The following FCHO2 variants were observed in gnomAD, a reference collection of about 807,000 sequenced individuals.
FCHO2 encodes FCH and mu domain containing endocytic adaptor 2, also known as F-BAR domain only protein 2.
A neutral mutation model predicts 114.1 loss-of-function variants in FCHO2; 43 were observed. The ratio of observed to expected loss-of-function variants is 0.38; its 90% CI spans 0.30 to 0.49. The LOEUF (loss-of-function observed/expected upper bound fraction) is 0.49, where lower values mean the gene tolerates loss of function less well. FCHO2 is among the 20% of genes least tolerant of loss of function. FCHO2 has a pLI of 0.97. For missense variants in FCHO2, 807 were observed against 950.4 expected (o/e 0.85, Z 1.98); for synonymous variants, 293 against 315.2 (o/e 0.93, Z 0.75).
At chr5:72,972,419 C>A (rs1405691034) in intron 2 of FCHO2, among the ~76,000 whole-genome samples, 1 of 152,116 alleles carries the variant, frequency 6.6e-6, no homozygotes, top group Non-Finnish European at 1.5e-5. Context: ...TCCTTCCCAT[C>A]CCTTGTAAGT....
chr5:73,022,897 A>G (rs895506417), intron 8 of FCHO2, among the ~76,000 whole-genome samples: 1 of 152,166 alleles, frequency 6.6e-6, no homozygotes, highest in African/African-American at 2.4e-5. Context: ...ATAGCTGGCA[A>G]GGAAGACATC....
At chr5:72,999,925 A>G (rs1580076734) in intron 5 of FCHO2, among the ~76,000 whole-genome samples, 1 of 152,356 alleles carries the variant, frequency 6.6e-6, no homozygotes, top group East Asian at 1.9e-4. Flanking sequence ...AAATGTAGCT[A>G]TTACTTGTAA....
chr5:73,073,027 G>A (rs180752801), intron 19 of FCHO2, among the ~76,000 whole-genome samples: 1 of 152,124 alleles, frequency 6.6e-6, no homozygotes, highest in Non-Finnish European at 1.5e-5. Flanking sequence ...AAAGTGGATT[G>A]AACTAAGTTA....
intron 2 of FCHO2, among the ~76,000 whole-genome samples, chr5:72,978,120 A>G (rs920722089): frequency 3.9e-5 from 6 of 152,172 alleles, no homozygotes; most frequent in Admixed American, 1.3e-4. Flanking sequence ...ATGAAATTCA[A>G]AGTAGTTTTT....
At chr5:72,997,001 C>A (rs567603665) in intron 5 of FCHO2, 9 of 1,582,602 alleles carry the variant, frequency 5.7e-6, no homozygotes, top group Admixed American at 1.7e-5. Context: ...CGCCCTTTTG[C>A]GGTGGCAGAT....
intron 1 of FCHO2, among the ~76,000 whole-genome samples, chr5:72,967,064 T>C (rs1752241823): frequency 6.6e-6 from 1 of 152,208 alleles, no homozygotes; most frequent in South Asian, 2.1e-4. Context: ...GGCAGGTGTA[T>C]CGTTTGAGGC....
intron 1 of FCHO2, among the ~76,000 whole-genome samples, chr5:72,962,223 TGTTCA>T (rs1253189854): frequency 5.3e-5 from 8 of 152,184 alleles, no homozygotes; most frequent in African/African-American, 1.9e-4. Flanking sequence ...TGTGTATATA[TGTTCA>T]GTTCAGGGGG....
intron 11 of FCHO2, among the ~76,000 whole-genome samples, chr5:73,047,855 G>A (rs1036436986): frequency 3.3e-5 from 5 of 151,192 alleles, no homozygotes; most frequent in Non-Finnish European, 5.9e-5. Flanking sequence ...TATTTATTTC[G>A]AGACAGAGTC....
intron 9 of FCHO2, 41 bp from the exon 10 acceptor site, chr5:73,037,102 G>T (rs1338487351): frequency 1.5e-6 from 2 of 1,341,038 alleles, no homozygotes; most frequent in South Asian, 1.4e-5. Context: ...TGTTTATCAG[G>T]AATGTTTATG....
At chr5:72,994,588 G>A (rs1753979000) in intron 5 of FCHO2, among the ~76,000 whole-genome samples, 1 of 152,142 alleles carries the variant, frequency 6.6e-6, no homozygotes, top group Non-Finnish European at 1.5e-5. Context: ...TCTTCAAAGA[G>A]CTAAAAACAG....
chr5:73,053,944 CAG>C (rs1398180713), intron 13 of FCHO2, among the ~76,000 whole-genome samples: 3 of 151,946 alleles, frequency 2.0e-5, no homozygotes, highest in Non-Finnish European at 4.4e-5. Flanking sequence ...AAATAATAAT[CAG>C]AACAATTTTA....
chr5:73,066,521 C>T (rs1742335219), intron 18 of FCHO2, among the ~76,000 whole-genome samples: 1 of 150,670 alleles, frequency 6.6e-6, no homozygotes. Context: ...TATCACCCAC[C>T]AGAGAGAGTA....
rs1309565381 is a variant in FCHO2 at position 73,034,606 on chromosome 5, T to A, written c.797-51T>A. On this transcript the variant is annotated intron_variant, in intron 8 of 25. Transcript: ENST00000430046. ...AAATGTAAAAAAAAAGTTTTAAAATTTACCTAATAGTTTTTTTCTACTAGA... is the reference window on the plus strand; with the variant it reads ...AAATGTAAAAAAAAAGTTTTAAAATATACCTAATAGTTTTTTTCTACTAGA... The A allele has an allele frequency of 8.3e-6, 12 of 1,441,082 alleles. No homozygotes were observed. The Admixed American group carries it at 9.0e-5, about 11-fold the overall frequency. The allele number at this position is 1,441,082 out of a possible 1,614,324, so 89.3% of individuals were successfully genotyped here. A position where few individuals can be genotyped will look rare whatever the true frequency, so the allele number is the denominator to read the frequency against.
chr5:73,026,899 C>T (rs191948806), intron 8 of FCHO2, among the ~76,000 whole-genome samples: 49 of 151,566 alleles, frequency 3.2e-4, no homozygotes, highest in Non-Finnish European at 1.2e-4. Flanking sequence ...ACCATGTTGG[C>T]TAGGCTGGTC....
chr5:73,008,158 A>G (rs1754816685), intron 6 of FCHO2, among the ~76,000 whole-genome samples: 1 of 152,178 alleles, frequency 6.6e-6, no homozygotes, highest in Non-Finnish European at 1.5e-5. Context: ...ATGGCAAAAG[A>G]ATTTAGGTTT....
At chr5:72,970,057 TG>T (rs761703488) in intron 2 of FCHO2, among the ~76,000 whole-genome samples, 3 of 152,206 alleles carry the variant, frequency 2.0e-5, no homozygotes, top group Admixed American at 6.5e-5. Flanking sequence ...TATCTACAGT[TG>T]TTCTTGTTTT....
At chr5:72,990,672 A>G (rs753091747) in intron 4 of FCHO2, 40 bp from the exon 5 acceptor site, 8 of 1,536,526 alleles carry the variant, frequency 5.2e-6, no homozygotes, top group Admixed American at 2.2e-5. Context: ...TGAATACTTT[A>G]TAGTTCAGTC....
At chr5:72,996,559 C>G (rs1754115829) in intron 5 of FCHO2, among the ~76,000 whole-genome samples, 1 of 151,146 alleles carries the variant, frequency 6.6e-6, no homozygotes, top group African/African-American at 2.4e-5. Flanking sequence ...TCCTTGCTCC[C>G]TCCCCCACTG....
At chr5:73,054,445 T>A in intron 14 of FCHO2, 80 bp from the exon 15 acceptor site, 2 of 1,222,048 alleles carry the variant, frequency 1.6e-6, no homozygotes, top group South Asian at 2.8e-5. Flanking sequence ...AAAATTAGGT[T>A]CCCAGTATTA....
Sources: allele counts gnomAD v4.1 joint callset (sites outside exome capture counted in the v4.1 genomes callset), GRCh38; gene constraint gnomAD v4.1.1; transcripts MANE v1.5; gene names NCBI Gene and HGNC (gene_info 2026-07-23, HGNC 2026-07-21).